Variants in CLSTN2 observed in about 807,000 individuals in gnomAD.
CLSTN2 encodes the protein calsyntenin-2.
In CLSTN2, 48 loss-of-function variants were observed where a neutral mutation model predicts 101.2. The ratio of observed to expected loss-of-function variants is 0.47; its 90% confidence interval spans 0.38 to 0.60. The LOEUF (loss-of-function observed/expected upper bound fraction) is 0.60. Ranked by LOEUF, CLSTN2 falls within the 20% of genes least tolerant of loss-of-function variation. The probability of loss-of-function intolerance (pLI) is 0.00; values close to 1 mark genes in which losing one functional copy is unlikely to be tolerated. For synonymous variants in CLSTN2, 481 were observed against 463.6 expected (o/e 1.04, Z -0.48); for missense variants, 1,160 against 1,238.2 (o/e 0.94, Z 0.95).
intron 2 of CLSTN2, among the ~76,000 whole-genome samples, chr3:140,328,082 A>G (rs1229152252): frequency 6.6e-6 from 1 of 152,054 alleles, no homozygotes; most frequent in Non-Finnish European, 1.5e-5. Context: ...TTTCACTTGC[A>G]TTGGTCTTGG....
intron 1 of CLSTN2, among the ~76,000 whole-genome samples, chr3:139,982,779 A>G (rs1935952876): frequency 6.6e-6 from 1 of 152,196 alleles, no homozygotes; most frequent in Admixed American, 6.5e-5. Context: ...AAATCATTAT[A>G]GACTCAATAA....
At chr3:140,083,499 A>C (rs2008631554) in intron 1 of CLSTN2, among the ~76,000 whole-genome samples, 1 of 152,232 alleles carries the variant, frequency 6.6e-6, no homozygotes, top group Non-Finnish European at 1.5e-5. Context: ...GGTCTTCCCG[A>C]GCAGCAAGTT....
At chr3:139,964,689 G>T (rs1391092077) in intron 1 of CLSTN2, among the ~76,000 whole-genome samples, 1 of 152,108 alleles carries the variant, frequency 6.6e-6, no homozygotes, top group Non-Finnish European at 1.5e-5. Flanking sequence ...CATGAACAAT[G>T]AACATAAGGA....
intron 2 of CLSTN2, among the ~76,000 whole-genome samples, chr3:140,384,246 C>T (rs1350299456): frequency 6.6e-6 from 1 of 152,224 alleles, no homozygotes; most frequent in East Asian, 1.9e-4. Context: ...GGAGCACGTT[C>T]CACTCCACCA....
intron 6 of CLSTN2, among the ~76,000 whole-genome samples, chr3:140,457,254 G>T (rs950559837): frequency 1.1e-4 from 17 of 152,194 alleles, no homozygotes; most frequent in African/African-American, 3.9e-4. Context: ...GAAGTCAGAA[G>T]CCCTGAGTGC....
chr3:140,137,130 A>C (rs924489219), intron 1 of CLSTN2, among the ~76,000 whole-genome samples: 3 of 152,018 alleles, frequency 2.0e-5, no homozygotes, highest in Non-Finnish European at 4.4e-5. Context: ...TGAAGAGAGA[A>C]CCATTGGTGA....
At position 140,496,975 on chromosome 3, in the gene CLSTN2, C is replaced by T. The variant is rs545318974; in HGVS notation, c.1344+30244C>T. Among the ~76,000 whole-genome samples, 9 of 152,148 alleles carry T rather than the reference C, an allele frequency of 5.9e-5. No individual in the cohort carries two copies. The South Asian group carries it at 1.9e-3, about 32-fold the overall frequency. On this transcript the variant is annotated intron_variant, in intron 8 of 16. Coordinates refer to ENST00000458420, the MANE Select transcript of CLSTN2 (RefSeq NM_022131.3). Reference sequence around the variant, plus strand: ...AATTAGCCGGACGTGGTGGCATGCACGTGTAATCCCAGCTACTCGGGAGGC... The same window carrying T: ...AATTAGCCGGACGTGGTGGCATGCATGTGTAATCCCAGCTACTCGGGAGGC...
intron 1 of CLSTN2, among the ~76,000 whole-genome samples, chr3:140,030,432 A>C (rs1312531295): frequency 6.6e-6 from 1 of 151,936 alleles, no homozygotes; most frequent in Non-Finnish European, 1.5e-5. Flanking sequence ...AGAAGTAGAC[A>C]GAAGGAGAGT....
At chr3:140,494,860 T>C (rs1475880207) in intron 8 of CLSTN2, among the ~76,000 whole-genome samples, 1 of 152,228 alleles carries the variant, frequency 6.6e-6, no homozygotes, top group Non-Finnish European at 1.5e-5. Flanking sequence ...ATCCAGTCTA[T>C]CATTGATGGA....
chr3:140,013,287 A>G (rs904697447), intron 1 of CLSTN2, among the ~76,000 whole-genome samples: 2 of 152,262 alleles, frequency 1.3e-5, no homozygotes, highest in African/African-American at 4.8e-5. Flanking sequence ...GAAAGCCCAT[A>G]TGGGCCTGAA....
intron 1 of CLSTN2, among the ~76,000 whole-genome samples, chr3:140,033,297 C>T (rs2007593913): frequency 6.6e-6 from 1 of 152,138 alleles, no homozygotes; most frequent in Admixed American, 6.5e-5. Context: ...TTCTGTGCCC[C>T]CCCAAACACA....
chr3:140,457,790 G>GC (rs1933441756), intron 6 of CLSTN2, among the ~76,000 whole-genome samples: 1 of 152,170 alleles, frequency 6.6e-6, no homozygotes, highest in Non-Finnish European at 1.5e-5. Flanking sequence ...TGTGTCAGGT[G>GC]CAGTAACAGA....
At chr3:140,431,087 T>C (rs2088623961) in intron 5 of CLSTN2, among the ~76,000 whole-genome samples, 1 of 152,212 alleles carries the variant, frequency 6.6e-6, no homozygotes, top group Non-Finnish European at 1.5e-5. Flanking sequence ...ACCTTATCTA[T>C]AAGATGGTGA....
At chr3:139,971,100 T>C (rs1935694517) in intron 1 of CLSTN2, among the ~76,000 whole-genome samples, 1 of 152,220 alleles carries the variant, frequency 6.6e-6, no homozygotes, top group South Asian at 2.1e-4. Context: ...TAGCTATTAG[T>C]AGTCCTTTTT....
At chr3:140,222,080 A>G (rs2107853438) in intron 2 of CLSTN2, among the ~76,000 whole-genome samples, 1 of 152,274 alleles carries the variant, frequency 6.6e-6, no homozygotes, top group East Asian at 1.9e-4. Context: ...ATGTCCACCG[A>G]GAGATGAATG....
At chr3:140,441,415 C>T (rs992729210) in intron 5 of CLSTN2, among the ~76,000 whole-genome samples, 2 of 152,228 alleles carry the variant, frequency 1.3e-5, no homozygotes, top group African/African-American at 2.4e-5. Flanking sequence ...CTTAACCACT[C>T]ATTGTATGTC....
intron 8 of CLSTN2, among the ~76,000 whole-genome samples, chr3:140,491,225 T>C (rs1934347472): frequency 6.6e-6 from 1 of 152,244 alleles, no homozygotes; most frequent in Admixed American, 6.5e-5. Context: ...ATGATCTTTC[T>C]AAAAACCACC....
chr3:140,069,619 G>A (rs2008357845), intron 1 of CLSTN2, among the ~76,000 whole-genome samples: 1 of 152,216 alleles, frequency 6.6e-6, no homozygotes, highest in South Asian at 2.1e-4. Flanking sequence ...ATGCTTGGGA[G>A]GTGTTCATGT....
intron 2 of CLSTN2, among the ~76,000 whole-genome samples, chr3:140,203,424 T>C (rs937729476): frequency 3.4e-5 from 5 of 148,826 alleles, no homozygotes; most frequent in African/African-American, 1.2e-4. Flanking sequence ...AATAGGATGT[T>C]GGCTGATGAG....
Sources: allele counts gnomAD v4.1 joint callset (sites outside exome capture counted in the v4.1 genomes callset), GRCh38; gene constraint gnomAD v4.1.1; transcripts MANE v1.5; gene names NCBI Gene and HGNC (gene_info 2026-07-23, HGNC 2026-07-21).